EPHA5: variants seen among roughly 807,000 people sequenced by gnomAD.
EPHA5 encodes the protein ephrin type-A receptor 5.
EPHA5 carries 60 observed loss-of-function variants against 105.0 expected under a neutral mutation model. The ratio of observed to expected loss-of-function variants is 0.57; its 90% CI spans 0.46 to 0.71. The LOEUF (loss-of-function observed/expected upper bound fraction) is 0.71. Ranked by LOEUF, EPHA5 falls within the 30% of genes least tolerant of loss-of-function variation. The pLI, the probability that EPHA5 is intolerant of heterozygous loss-of-function variation, is 0.00. For synonymous variants in EPHA5, 513 were observed against 449.1 expected, an observed-to-expected ratio of 1.14 and a Z score of -1.80; for missense variants, 1,218 against 1,274.7, an observed-to-expected ratio of 0.96 and a Z score of 0.68.
intron 3 of EPHA5, among the ~76,000 whole-genome samples, chr4:65,500,075 A>G (rs1471867331): frequency 1.3e-5 from 2 of 151,408 alleles, no homozygotes; most frequent in Non-Finnish European, 3.0e-5. Context: ...GGCAAAATTG[A>G]TATTTTACAT....
At chr4:65,649,068 A>G (rs2149524737) in intron 1 of EPHA5, among the ~76,000 whole-genome samples, 1 of 152,328 alleles carries the variant, frequency 6.6e-6, no homozygotes. Context: ...TTCACAGACA[A>G]TGAATGGAAG....
intron 3 of EPHA5, among the ~76,000 whole-genome samples, chr4:65,527,443 G>T (rs1735345110): frequency 6.6e-6 from 1 of 152,046 alleles, no homozygotes; most frequent in African/African-American, 2.4e-5. Flanking sequence ...GCAAATACAT[G>T]GAGTACAAAA....
intron 3 of EPHA5, among the ~76,000 whole-genome samples, chr4:65,524,276 A>G (rs1448301622): frequency 2.6e-5 from 4 of 151,806 alleles, no homozygotes; most frequent in Admixed American, 2.0e-4. Flanking sequence ...AAAGTCTACA[A>G]AGTAAAAAAG....
intron 5 of EPHA5, among the ~76,000 whole-genome samples, chr4:65,477,647 C>T (rs1334653883): frequency 4.6e-5 from 7 of 151,988 alleles, no homozygotes; most frequent in East Asian, 1.9e-4. Flanking sequence ...CTCTTGACCT[C>T]ATGATCACCC....
intron 14 of EPHA5, among the ~76,000 whole-genome samples, chr4:65,338,490 T>G (rs1190655790): frequency 6.6e-6 from 1 of 152,054 alleles, no homozygotes; most frequent in Non-Finnish European, 1.5e-5. Flanking sequence ...TCAATAATCC[T>G]TCCTCCACTA....
At chr4:65,544,934 G>A (rs1737225890) in intron 3 of EPHA5, among the ~76,000 whole-genome samples, 1 of 61,658 alleles carries the variant, frequency 1.6e-5, no homozygotes, top group African/African-American at 5.8e-5. Flanking sequence ...GGACATGGAT[G>A]AAGCTGGAAA....
At chr4:65,638,406 A>G (rs1447208427) in intron 2 of EPHA5, among the ~76,000 whole-genome samples, 1 of 152,170 alleles carries the variant, frequency 6.6e-6, no homozygotes. Flanking sequence ...AAGAGAAAAA[A>G]CAATCTCTAG....
intron 3 of EPHA5, among the ~76,000 whole-genome samples, chr4:65,567,040 A>C (rs1249977010): frequency 1.3e-5 from 2 of 151,660 alleles, no homozygotes; most frequent in Non-Finnish European, 3.0e-5. Context: ...CCACACTTTT[A>C]TTTGTGCATT....
intron 8 of EPHA5, among the ~76,000 whole-genome samples, chr4:65,379,485 C>T (rs541997556): frequency 7.9e-5 from 12 of 151,618 alleles, no homozygotes; most frequent in African/African-American, 2.7e-4. Context: ...ATTTGGTTAA[C>T]CTTTCTTATT....
chr4:65,665,705 T>C lies in EPHA5; in HGVS notation c.181+3857A>G, dbSNP rs75872117. Among the ~76,000 whole-genome samples the C allele has an allele frequency of 6.8e-3, 1,031 of 152,180 alleles. 50 individuals carry two copies. The East Asian group carries it at 0.13, about 19-fold the overall frequency. ...ATTGTTCACTGTCCTCTCTGTCTTA[T>C]ATGAGTAAATGAAATCCTCTTACCT... On this transcript the variant is annotated intron_variant, in intron 1 of 16. Transcript: ENST00000613740.
At chr4:65,594,460 T>G (rs1742977912) in intron 3 of EPHA5, among the ~76,000 whole-genome samples, 1 of 152,154 alleles carries the variant, frequency 6.6e-6, no homozygotes, top group African/African-American at 2.4e-5. Context: ...CAAAGTGAAA[T>G]TTACAAAGTA....
intron 3 of EPHA5, among the ~76,000 whole-genome samples, chr4:65,543,312 T>C (rs1737032079): frequency 6.6e-6 from 1 of 151,974 alleles, no homozygotes; most frequent in African/African-American, 2.4e-5. Context: ...TGATCCTATA[T>C]TTAGAAAACC....
rs1423012498 is a variant in EPHA5 at position 65,598,153 on chromosome 4, C to T, written c.910+3488G>A. Among the ~76,000 whole-genome samples the T allele has an allele frequency of 2.0e-5, 3 of 152,010 alleles. No homozygotes were observed. The South Asian group carries it at 6.2e-4, about 31-fold the overall frequency. On this transcript the variant is annotated intron_variant, in intron 3 of 16. Coordinates refer to ENST00000613740, the MANE Select transcript of EPHA5 (RefSeq NM_001281766.3). Reference sequence around the variant, plus strand: ...AATTAAATGTCATCATGTAATATGGCCATATTATATTTAAGTATGTGATGT... The same window carrying T: ...AATTAAATGTCATCATGTAATATGGTCATATTATATTTAAGTATGTGATGT...
At chr4:65,325,905 G>A (rs546260866) in intron 16 of EPHA5, among the ~76,000 whole-genome samples, 1 of 150,912 alleles carries the variant, frequency 6.6e-6, no homozygotes, top group African/African-American at 2.4e-5. Context: ...TATACCAGAA[G>A]CACTGCAGCA....
chr4:65,448,334 A>G (rs1726759085), intron 5 of EPHA5, among the ~76,000 whole-genome samples: 2 of 152,028 alleles, frequency 1.3e-5, no homozygotes, highest in South Asian at 4.1e-4. Flanking sequence ...TAATTATTAT[A>G]TTTATTATTA....
intron 3 of EPHA5, among the ~76,000 whole-genome samples, chr4:65,498,871 A>G (rs2149235759): frequency 6.6e-6 from 1 of 151,814 alleles, no homozygotes; most frequent in Non-Finnish European, 1.5e-5. Context: ...ATAAACTGTA[A>G]TTATTCATCA....
At position 65,627,409 on chromosome 4, in the gene EPHA5, A is replaced by G. The variant is rs1287352264; in HGVS notation, c.246+15954T>C. ...AATACCATTTAACTTGATATTTTCT[A>G]GACTCAACTTGAGTATAGAACCCTT... is the stretch of plus-strand genomic sequence containing the variant. On this transcript the variant is annotated intron_variant, in intron 2 of 16. Coordinates refer to ENST00000613740, the MANE Select transcript of EPHA5 (RefSeq NM_001281766.3). 6.6e-5 allele frequency among the ~76,000 whole-genome samples: 10 copies of G among 152,180 alleles called. No homozygotes were observed. In the East Asian group the frequency reaches 1.9e-3, roughly 29 times the overall value.
chr4:65,455,414 A>G (rs985469462), intron 5 of EPHA5, among the ~76,000 whole-genome samples: 1 of 152,140 alleles, frequency 6.6e-6, no homozygotes, highest in South Asian at 2.1e-4. Context: ...ATTCCTTGCT[A>G]GATGTTCTCT....
chr4:65,338,599 G>A (rs1721407461), intron 14 of EPHA5, among the ~76,000 whole-genome samples: 1 of 151,758 alleles, frequency 6.6e-6, no homozygotes, highest in African/African-American at 2.4e-5. Flanking sequence ...TTATTTTCGG[G>A]TAAATTTATA....
Sources: gnomAD v4.1 joint callset for allele counts (sites outside exome capture counted in the v4.1 genomes callset) on GRCh38, gnomAD v4.1.1 for gene constraint, MANE v1.5 for transcripts, NCBI Gene and HGNC (gene_info 2026-07-23, HGNC 2026-07-21) for gene names.